Variants in CLYBL observed in about 807,000 individuals in gnomAD.
CLYBL encodes citramalyl-CoA lyase, mitochondrial.
In CLYBL, 31 loss-of-function variants were observed where a neutral mutation model predicts 38.9. The observed-to-expected ratio is 0.80, with a 90% CI of 0.60 to 1.08. CLYBL has a LOEUF of 1.08. Among genes scored for constraint, CLYBL ranks in the 50% least tolerant of loss-of-function variants. The probability of loss-of-function intolerance (pLI) is 0.00; values close to 1 mark genes in which losing one functional copy is unlikely to be tolerated. For missense variants in CLYBL, 434 were observed against 411.6 expected, an observed-to-expected ratio of 1.05 and a Z score of -0.47; for synonymous variants, 171 against 158.6, an observed-to-expected ratio of 1.08 and a Z score of -0.59.
chr13:99,670,932 G>A (rs958678349), intron 1 of CLYBL, among the ~76,000 whole-genome samples: 1 of 152,170 alleles, frequency 6.6e-6, no homozygotes, highest in African/African-American at 2.4e-5. Flanking sequence ...ATTGAACTTA[G>A]AATACAATCC....
At chr13:99,827,345 G>A (rs771781364) in intron 2 of CLYBL, among the ~76,000 whole-genome samples, 8 of 152,126 alleles carry the variant, frequency 5.3e-5, no homozygotes, top group Non-Finnish European at 7.4e-5. Flanking sequence ...AGGACCTGGC[G>A]CCACTGAGCA....
chr13:99,871,913 A>G (rs967616417), intron 7 of CLYBL, among the ~76,000 whole-genome samples: 4 of 151,878 alleles, frequency 2.6e-5, no homozygotes, highest in Middle Eastern at 3.2e-3. Context: ...AAGTTTTGAT[A>G]CCTATAATGC....
intron 2 of CLYBL, among the ~76,000 whole-genome samples, chr13:99,817,998 G>C (rs1320547891): frequency 6.6e-6 from 1 of 151,124 alleles, no homozygotes; most frequent in African/African-American, 2.4e-5. Context: ...GTGAGAACTT[G>C]TCTCAAAAGG....
intron 1 of CLYBL, among the ~76,000 whole-genome samples, chr13:99,694,799 T>G (rs891035785): frequency 6.6e-6 from 1 of 152,238 alleles, no homozygotes; most frequent in Non-Finnish European, 1.5e-5. Flanking sequence ...CCCCACTGGC[T>G]GGGTAGTTCT....
chr13:99,732,116 GA>G (rs1163620776), intron 1 of CLYBL, among the ~76,000 whole-genome samples: 1 of 148,444 alleles, frequency 6.7e-6, no homozygotes, highest in Non-Finnish European at 1.5e-5. Flanking sequence ...GTTCTTTAAA[GA>G]CTAGTGATTT....
intron 2 of CLYBL, among the ~76,000 whole-genome samples, chr13:99,777,163 G>T (rs566022625): frequency 1.3e-5 from 2 of 152,052 alleles, no homozygotes; most frequent in Admixed American, 1.3e-4. Context: ...ACAGGCCACC[G>T]CACCCAGCCC....
intron 2 of CLYBL, among the ~76,000 whole-genome samples, chr13:99,811,477 G>C (rs545296088): frequency 2.0e-5 from 3 of 152,188 alleles, no homozygotes; most frequent in African/African-American, 7.2e-5. Flanking sequence ...CAATGTCCCT[G>C]TTAACTTGGG....
At chr13:99,735,131 T>G (rs2048647274) in intron 1 of CLYBL, among the ~76,000 whole-genome samples, 1 of 152,196 alleles carries the variant, frequency 6.6e-6, no homozygotes, top group Non-Finnish European at 1.5e-5. Flanking sequence ...AAAAAAGATA[T>G]TCTCACTATC....
Position 99,676,240 on chromosome 13 carries a change from T to TTCCTTC in CLYBL, c.62+69483_62+69484insTCCTTC, listed in dbSNP as rs1566606854. Among the ~76,000 whole-genome samples, 513 of 84,246 alleles carry TTCCTTC rather than the reference T, an allele frequency of 6.1e-3. 10 individuals are homozygous for TTCCTTC. Among genetic ancestry groups the TTCCTTC allele is most frequent in the African/African-American group, 0.022 (499 of 22,780 alleles). The allele number at this position is 84,246 out of a possible 152,430, so 55.3% of individuals were successfully genotyped here. A position where few individuals can be genotyped will look rare whatever the true frequency, so the allele number is the denominator to read the frequency against. ...TCCTTCCTTCCTTCCTTCCTTCCTT[T>TTCCTTC]CCTCCCTTTCTTTTTCTTTTTCTAT... On this transcript the variant is annotated intron_variant, in intron 1 of 8. Transcript: ENST00000339105.
chr13:99,692,277 G>GTTT (rs113949110), intron 1 of CLYBL, among the ~76,000 whole-genome samples: 25 of 121,860 alleles, frequency 2.1e-4, no homozygotes, highest in African/African-American at 6.1e-4. Flanking sequence ...GTTCACATTT[G>GTTT]TTTTTTTTGT....
At chr13:99,845,659 C>T (rs919319079) in intron 2 of CLYBL, among the ~76,000 whole-genome samples, 1 of 152,114 alleles carries the variant, frequency 6.6e-6, no homozygotes, top group African/African-American at 2.4e-5. Context: ...GACGCAGGCT[C>T]TGCCACTTGC....
rs546998940 is a variant in CLYBL, at chr13:99,771,020, C to CTTT, written c.63-1775_63-1773dup. 3.3e-3 allele frequency among the ~76,000 whole-genome samples: 392 copies of CTTT among 120,104 alleles called. 9 individuals carry two copies. Among genetic ancestry groups the CTTT allele is most frequent in the East Asian group, 6.6e-3 (25 of 3,776 alleles). 78.8% of individuals were successfully genotyped at this position (120,104 alleles called of 152,430 possible). A position where few individuals can be genotyped will look rare whatever the true frequency, so the allele number is the denominator to read the frequency against. ...CAGGCGTAAGCCACCACGCGGGGCC[C>CTTT]TTTTTTTTTTTTTTTTTTTTTTTTT... is the stretch of plus-strand genomic sequence containing the variant. On this transcript the variant is annotated intron_variant, in intron 1 of 8. Coordinates refer to ENST00000339105, the MANE Select transcript of CLYBL (RefSeq NM_206808.5).
rs146140014 is a variant in CLYBL at position 99,658,517 on chromosome 13, G to T, written c.62+51760G>T. Among the ~76,000 whole-genome samples, 172 of 152,196 alleles carry T rather than the reference G, an allele frequency of 1.1e-3. 4 individuals are homozygous for T. The East Asian group carries it at 0.03, about 27-fold the overall frequency. On this transcript the variant is annotated intron_variant, in intron 1 of 8. Coordinates refer to ENST00000339105, the MANE Select transcript of CLYBL (RefSeq NM_206808.5). The stretch of plus-strand genomic sequence containing the variant: ...TTCCTCCTGTGTCCCTCTCCCCCAC[G>T]CCGGCCTCCCCTCCTTTCAACTCTC...
At chr13:99,631,324 A>T (rs1429400621) in intron 1 of CLYBL, among the ~76,000 whole-genome samples, 1 of 124,542 alleles carries the variant, frequency 8.0e-6, no homozygotes, top group East Asian at 2.4e-4. Flanking sequence ...CCTGTCTCCA[A>T]ATATTTATGT....
At chr13:99,792,950 G>C (rs1200588591) in intron 2 of CLYBL, among the ~76,000 whole-genome samples, 1 of 151,726 alleles carries the variant, frequency 6.6e-6, no homozygotes, top group Non-Finnish European at 1.5e-5. Flanking sequence ...CATACAGATG[G>C]AGGGTCCTTT....
intron 7 of CLYBL, among the ~76,000 whole-genome samples, chr13:99,878,950 G>A (rs900453352): frequency 3.9e-5 from 6 of 152,090 alleles, no homozygotes; most frequent in East Asian, 1.9e-4. Context: ...TTGGTCTCTC[G>A]GATCAGCGTT....
chr13:99,711,648 T>C (rs1233353939), intron 1 of CLYBL, among the ~76,000 whole-genome samples: 2 of 151,384 alleles, frequency 1.3e-5, no homozygotes, highest in African/African-American at 2.4e-5. Flanking sequence ...TCAGGTGATC[T>C]GCCCACCTCA....
chr13:99,653,959 C>T (rs1393175755), intron 1 of CLYBL, among the ~76,000 whole-genome samples: 1 of 152,204 alleles, frequency 6.6e-6, no homozygotes, highest in Non-Finnish European at 1.5e-5. Flanking sequence ...TCCCCCCTCA[C>T]TTGAAACATG....
intron 2 of CLYBL, among the ~76,000 whole-genome samples, chr13:99,834,902 C>T (rs114958067): frequency 5.3e-5 from 8 of 152,288 alleles, no homozygotes; most frequent in East Asian, 1.9e-4. Flanking sequence ...GTGATGTGAT[C>T]GAGATCCTAA....
Sources: allele counts gnomAD v4.1 joint callset (sites outside exome capture counted in the v4.1 genomes callset), GRCh38; gene constraint gnomAD v4.1.1; transcripts MANE v1.5; gene names NCBI Gene and HGNC (gene_info 2026-07-23, HGNC 2026-07-21).